Variants in EPHA3 observed in about 807,000 individuals in gnomAD.
EPHA3 encodes ephrin type-A receptor 3.
A neutral mutation model predicts 107.1 loss-of-function variants in EPHA3; 42 were observed. The ratio of observed to expected loss-of-function variants is 0.39; its 90% CI spans 0.31 to 0.51. The LOEUF is 0.51. Among genes scored for constraint, EPHA3 ranks in the 20% least tolerant of loss-of-function variants. EPHA3 has a pLI of 0.78. For missense variants in EPHA3, 1,183 were observed against 1,211.2 expected, an observed-to-expected ratio of 0.98 and a Z score of 0.35; for synonymous variants, 461 against 424.8, an observed-to-expected ratio of 1.09 and a Z score of -1.05.
intron 5 of EPHA3, among the ~76,000 whole-genome samples, chr3:89,383,779 G>C (rs1219180974): frequency 6.6e-6 from 1 of 150,628 alleles, no homozygotes; most frequent in Admixed American, 6.7e-5. Flanking sequence ...CTCCCGAGTA[G>C]CTGGGACTAC....
intron 5 of EPHA3, among the ~76,000 whole-genome samples, chr3:89,372,419 C>A (rs1458550707): frequency 6.6e-6 from 1 of 151,466 alleles, no homozygotes; most frequent in East Asian, 1.9e-4. Context: ...AAAAACACAG[C>A]AGCTTTTATT....
chr3:89,315,248 A>G (rs1706867465), intron 3 of EPHA3, among the ~76,000 whole-genome samples: 1 of 151,854 alleles, frequency 6.6e-6, no homozygotes, highest in African/African-American at 2.4e-5. Context: ...TATGCAAAAT[A>G]CTTATTCCAT....
rs1343183891 is a variant in EPHA3, at chr3:89,130,728, G to T, written c.153+3455G>T. On this transcript the variant is annotated intron_variant, in intron 2 of 16. Transcript: ENST00000336596. Reference sequence around the variant, plus strand: ...CGGCTCACTGCAAGCTCCGCCTCCCGGGTTCACGCAATTCTCCTGCCTCAG... The same window carrying T: ...CGGCTCACTGCAAGCTCCGCCTCCCTGGTTCACGCAATTCTCCTGCCTCAG... Among the ~76,000 whole-genome samples the T allele has an allele frequency of 2.0e-5, 3 of 150,512 alleles. No individual in the cohort carries two copies. The East Asian group carries it at 6.1e-4, about 31-fold the overall frequency.
chr3:89,167,052 G>A (rs1192488222), intron 2 of EPHA3, among the ~76,000 whole-genome samples: 1 of 152,114 alleles, frequency 6.6e-6, no homozygotes, highest in Admixed American at 6.6e-5. Context: ...TCAGGAAAAT[G>A]ACAGTTTAGT....
intron 5 of EPHA3, among the ~76,000 whole-genome samples, chr3:89,370,759 G>C (rs778887229): frequency 2.2e-4 from 33 of 151,614 alleles, no homozygotes; most frequent in Non-Finnish European, 3.2e-4. Flanking sequence ...AAATGAATAA[G>C]GAAGTCTCTT....
intron 3 of EPHA3, among the ~76,000 whole-genome samples, chr3:89,283,567 G>A (rs1706000292): frequency 6.6e-6 from 1 of 152,118 alleles, no homozygotes; most frequent in African/African-American, 2.4e-5. Context: ...AACCAATGAT[G>A]ACATTTTACA....
chr3:89,276,396 G>A (rs1367882137), intron 3 of EPHA3, among the ~76,000 whole-genome samples: 3 of 152,020 alleles, frequency 2.0e-5, no homozygotes, highest in African/African-American at 7.2e-5. Flanking sequence ...TCTTTAAACT[G>A]GATACATTTT....
chr3:89,457,986 C>G (rs1710133496), intron 15 of EPHA3, among the ~76,000 whole-genome samples: 1 of 152,132 alleles, frequency 6.6e-6, no homozygotes, highest in Non-Finnish European at 1.5e-5. Flanking sequence ...TTGAGATCAG[C>G]CTTCTCATTG....
intron 2 of EPHA3, among the ~76,000 whole-genome samples, chr3:89,188,150 G>T (rs916144955): frequency 7.9e-5 from 12 of 152,092 alleles, no homozygotes; most frequent in Non-Finnish European, 1.3e-4. Context: ...ATTCTTGTTT[G>T]TAATTCCCCC....
intron 3 of EPHA3, among the ~76,000 whole-genome samples, chr3:89,235,479 A>G (rs2107233235): frequency 6.6e-6 from 1 of 151,792 alleles, no homozygotes; most frequent in Non-Finnish European, 1.5e-5. Flanking sequence ...AAACAGAAAA[A>G]CTCTCATTCC....
chr3:89,129,787 T>C (rs1704167583), intron 2 of EPHA3, among the ~76,000 whole-genome samples: 1 of 152,122 alleles, frequency 6.6e-6, no homozygotes, highest in South Asian at 2.1e-4. Flanking sequence ...GTATTGTTTT[T>C]AAAGGAAATA....
At chr3:89,381,767 A>T (rs1708514680) in intron 5 of EPHA3, among the ~76,000 whole-genome samples, 1 of 152,184 alleles carries the variant, frequency 6.6e-6, no homozygotes, top group Non-Finnish European at 1.5e-5. Context: ...TCTTATAATG[A>T]AGGCTCCATA....
rs115570912 is a variant in EPHA3 at position 89,432,369 on chromosome 3, G to T, written c.2346+1010G>T. Among the ~76,000 whole-genome samples, 1,443 of 152,048 alleles carry T rather than the reference G, an allele frequency of 9.5e-3. 8 individuals are homozygous for T. The highest frequency in any genetic ancestry group is 0.015 in the Non-Finnish European group (1,017 of 67,956). On this transcript the variant is annotated intron_variant, in intron 13 of 16. Coordinates refer to ENST00000336596, the MANE Select transcript of EPHA3 (RefSeq NM_005233.6). Reference sequence around the variant, plus strand: ...TGAATTTTTTGTGAGCTTTTCTGTTGTTGTTTTGTTTTGTGTTTGTTTTTT... The same window carrying T: ...TGAATTTTTTGTGAGCTTTTCTGTTTTTGTTTTGTTTTGTGTTTGTTTTTT...
intron 3 of EPHA3, among the ~76,000 whole-genome samples, chr3:89,255,721 C>T (rs1705269493): frequency 6.6e-6 from 1 of 151,642 alleles, no homozygotes; most frequent in Non-Finnish European, 1.5e-5. Flanking sequence ...GCCAACATGG[C>T]AAAACCCCAT....
intron 10 of EPHA3, among the ~76,000 whole-genome samples, chr3:89,415,527 C>T (rs1225839569): frequency 7.2e-6 from 1 of 139,466 alleles, no homozygotes. Flanking sequence ...AGAAATTTTA[C>T]ATAAATGAAT....
At chr3:89,152,629 T>C (rs1011466545) in intron 2 of EPHA3, among the ~76,000 whole-genome samples, 1 of 152,112 alleles carries the variant, frequency 6.6e-6, no homozygotes, top group Non-Finnish European at 1.5e-5. Flanking sequence ...AATTATACTT[T>C]TTAAAAAGAA....
chr3:89,154,030 A>G (rs370808566), intron 2 of EPHA3, among the ~76,000 whole-genome samples: 1 of 152,124 alleles, frequency 6.6e-6, no homozygotes. Context: ...TTTGTCCTGA[A>G]GCCATGAGGC....
intron 7 of EPHA3, among the ~76,000 whole-genome samples, chr3:89,404,958 AGCTATT>A (rs1342748288): frequency 6.6e-6 from 1 of 152,162 alleles, no homozygotes; most frequent in Non-Finnish European, 1.5e-5. Context: ...TATTGGATTA[AGCTATT>A]TCACAAATCA....
intron 7 of EPHA3, among the ~76,000 whole-genome samples, chr3:89,405,347 G>T (rs1180564460): frequency 6.6e-6 from 1 of 152,142 alleles, no homozygotes; most frequent in Non-Finnish European, 1.5e-5. Context: ...CATAACCTGT[G>T]CTTGAAGGCT....
Sources: gnomAD v4.1 joint callset for allele counts (sites outside exome capture counted in the v4.1 genomes callset) on GRCh38, gnomAD v4.1.1 for gene constraint, MANE v1.5 for transcripts, NCBI Gene and HGNC (gene_info 2026-07-23, HGNC 2026-07-21) for gene names.